The following ZNF382 variants were observed in gnomAD, a reference collection of about 807,000 sequenced individuals.
ZNF382 encodes KRAB/zinc finger suppressor protein 1.
Under a neutral mutation model 38.8 loss-of-function variants are expected in ZNF382, and 20 were observed. That is an observed-to-expected ratio of 0.51 (90% CI 0.36 to 0.75). ZNF382 has a LOEUF of 0.75. Ranked by LOEUF, ZNF382 falls within the 30% of genes least tolerant of loss-of-function variation. The probability of loss-of-function intolerance (pLI) is 0.00; values close to 1 mark genes in which losing one functional copy is unlikely to be tolerated. For missense variants in ZNF382, 546 were observed against 654.1 expected (o/e 0.83, Z 1.80); for synonymous variants, 202 against 223.1 (o/e 0.91, Z 0.84).
rs1367004652 is a variant in ZNF382, at chr19:36,627,894, C to G, written c.*344C>G. ...AACTAGTTGGCCAACTGACTGTGGT[C>G]CATGGACTACACAGTGAGTAGAGGT... is the stretch of plus-strand genomic sequence containing the variant. On this transcript the variant is annotated 3_prime_UTR_variant, in exon 5 of 5. Transcript: ENST00000292928. 4.5e-6 allele frequency: 1 copy of G among 220,898 alleles called. No homozygotes were observed. Among genetic ancestry groups the G allele is most frequent in the African/African-American group, 2.3e-5 (1 of 43,224 alleles). The allele number at this position is 220,898 out of a possible 1,614,324, so 13.7% of individuals were successfully genotyped here.
rs2037269898 is a variant in ZNF382 at position 36,633,884 on chromosome 19, T to G, written c.*6334T>G. On this transcript the variant is annotated 3_prime_UTR_variant, in exon 5 of 5. Transcript: ENST00000292928. ...TGACATGCTGGAAAAGGTGAAAATA[T>G]AACAACAGAAAACAGATCAAATGTT... The G allele has an allele frequency of 6.6e-6, 1 of 152,110 alleles. No individual in the cohort carries two copies. Among genetic ancestry groups the G allele is most frequent in the African/African-American group, 2.4e-5 (1 of 41,432 alleles). 9.4% of individuals were successfully genotyped at this position (152,110 alleles called of 1,614,324 possible).
intron 4 of ZNF382, among the ~76,000 whole-genome samples, chr19:36,616,195 C>T (rs3096630): frequency 0.34 from 50,909 of 151,806 alleles, 8,811 homozygotes; most frequent in South Asian, 0.42. Context: ...GCCTGGGCAA[C>T]ATAGCAAGAC....
chr19:36,621,216 A>C (rs908877569), intron 4 of ZNF382, among the ~76,000 whole-genome samples: 1 of 151,838 alleles, frequency 6.6e-6, no homozygotes, highest in East Asian at 1.9e-4. Context: ...ATATCTTTAC[A>C]TCTTCTTATA....
chr19:36,626,516 G>A lies in ZNF382; in HGVS notation c.619G>A (p.Ala207Thr). Reference sequence around the variant, plus strand: ...GCTTATTCAGCATCAGAAGGTTCAAGCTCCAGAGCAACCATTTGACCATAA... The same window carrying A: ...GCTTATTCAGCATCAGAAGGTTCAAACTCCAGAGCAACCATTTGACCATAA... ...QELIQHQKVQ[A>T]PEQPFDHNEC... Residue 207 changes from alanine to threonine, a missense_variant, in exon 5 of 5, where the codon GCT becomes ACT. Coordinates refer to ENST00000292928, the MANE Select transcript of ZNF382 (RefSeq NM_032825.5). 1 of 1,609,812 alleles carries A rather than the reference G, an allele frequency of 6.2e-7. No individual in the cohort carries two copies. The highest frequency in any genetic ancestry group is 8.5e-7 in the Non-Finnish European group (1 of 1,178,578).
chr19:36,631,392 CTT>C lies in ZNF382; in HGVS notation c.*3854_*3855del, dbSNP rs200197920. The C allele has an allele frequency of 2.1e-5, 3 of 144,508 alleles. No homozygotes were observed. Among genetic ancestry groups the C allele is most frequent in the Non-Finnish European group, 3.1e-5 (2 of 65,396 alleles). The allele number at this position is 144,508 out of a possible 1,614,324, so 9.0% of individuals were successfully genotyped here. A position where few individuals can be genotyped will look rare whatever the true frequency, so the allele number is the denominator to read the frequency against. ...TACAGTAAAAATGTGGTACTATAAT[CTT>C]TTTTTTTTTTTGAGACAGAGTCTCA... On this transcript the variant is annotated 3_prime_UTR_variant, in exon 5 of 5. Transcript: ENST00000292928.
chr19:36,630,976 G>A lies in ZNF382; in HGVS notation c.*3426G>A, dbSNP rs2037250588. On this transcript the variant is annotated 3_prime_UTR_variant, in exon 5 of 5. Coordinates refer to ENST00000292928, the MANE Select transcript of ZNF382 (RefSeq NM_032825.5). Reference sequence around the variant, plus strand: ...ATGTTTTTATTTTTTATACATATGGGGTCTCGTTGTGTTGCCCAGGCTGGT... The same window carrying A: ...ATGTTTTTATTTTTTATACATATGGAGTCTCGTTGTGTTGCCCAGGCTGGT... The A allele has an allele frequency of 6.6e-6, 1 of 151,878 alleles. No individual in the cohort carries two copies. The highest frequency in any genetic ancestry group is 2.1e-4 in the South Asian group (1 of 4,802). The allele number at this position is 151,878 out of a possible 1,614,324, so 9.4% of individuals were successfully genotyped here. A position where few individuals can be genotyped will look rare whatever the true frequency, so the allele number is the denominator to read the frequency against.
In ZNF382 at chr19:36,629,326, C is replaced by A. The variant is rs2037238867; in HGVS notation, c.*1776C>A. ...ATGCTAGGAAGTCTATGTGTAGGCC[C>A]CCTGGTCAACAGCTACAGCTGAGCT... On this transcript the variant is annotated 3_prime_UTR_variant, in exon 5 of 5. Transcript: ENST00000292928. 6.6e-6 allele frequency: 1 copy of A among 151,920 alleles called. No individual in the cohort carries two copies. Among genetic ancestry groups the A allele is most frequent in the African/African-American group, 2.4e-5 (1 of 41,324 alleles). The allele number at this position is 151,920 out of a possible 1,614,324, so 9.4% of individuals were successfully genotyped here.
In ZNF382 at chr19:36,627,277, G is replaced by T. The variant is rs2037222571; in HGVS notation, c.1380G>T (p.Gly460=). The T allele has an allele frequency of 6.2e-7, 1 of 1,613,068 alleles. No individual in the cohort carries two copies. Among genetic ancestry groups the T allele is most frequent in the African/African-American group, 1.3e-5 (1 of 74,550 alleles). ...TLTLHQRIHT[G]EKPYICNECG... ...CTCTCCACCAGAGAATTCACACGGGGGAAAAACCCTATATTTGTAATGAAT... is the reference window on the plus strand; with the variant it reads ...CTCTCCACCAGAGAATTCACACGGGTGAAAAACCCTATATTTGTAATGAAT... The change falls in exon 5 of 5, where the codon GGG becomes GGT. Residue 460 remains glycine, a synonymous_variant. Transcript: ENST00000292928.
intron 4 of ZNF382, among the ~76,000 whole-genome samples, chr19:36,617,984 G>A (rs182042421): frequency 1.3e-5 from 2 of 152,222 alleles, no homozygotes; most frequent in East Asian, 3.9e-4. Flanking sequence ...TGGCCCTTCT[G>A]GAGTCTCGAT....
At chr19:36,610,314 G>C (rs986762279) in intron 3 of ZNF382, among the ~76,000 whole-genome samples, 2 of 152,034 alleles carry the variant, frequency 1.3e-5, no homozygotes, top group African/African-American at 4.8e-5. Flanking sequence ...AAAATTAGCT[G>C]GGTGTGGTGG....
intron 4 of ZNF382, among the ~76,000 whole-genome samples, chr19:36,618,597 C>G (rs2037144052): frequency 6.6e-6 from 1 of 152,166 alleles, no homozygotes; most frequent in Admixed American, 6.5e-5. Context: ...AAATGTAGCT[C>G]TTATGCAGTG....
intron 4 of ZNF382, 75 bp downstream of exon 4, chr19:36,610,817 T>G: frequency 8.7e-7 from 1 of 1,144,128 alleles, no homozygotes; most frequent in Non-Finnish European, 1.3e-6. Context: ...TAGGGATCTA[T>G]TTTTGTTATT....
At chr19:36,607,458 G>T in intron 1 of ZNF382, 94 bp from the exon 2 acceptor site, 2 of 744,272 alleles carry the variant, frequency 2.7e-6, no homozygotes, top group South Asian at 3.4e-5. Context: ...TGCTGAAATA[G>T]TGAACATTCA....
intron 4 of ZNF382, among the ~76,000 whole-genome samples, chr19:36,625,112 A>ATATATATATATG (rs2037201115): frequency 7.6e-6 from 1 of 131,600 alleles, no homozygotes; most frequent in African/African-American, 2.7e-5. Context: ...ATATATATAT[A>ATATATATATATG]TATATATATA....
At chr19:36,610,148 TA>T (rs1452776721) in intron 3 of ZNF382, 95 bp downstream of exon 3, 22 of 1,490,158 alleles carry the variant, frequency 1.5e-5, no homozygotes, top group African/African-American at 4.3e-5. Context: ...TAGAGGTGAT[TA>T]TTTTTTTGGC....
intron 4 of ZNF382, among the ~76,000 whole-genome samples, chr19:36,615,211 C>T (rs2037116567): frequency 1.3e-5 from 2 of 151,986 alleles, no homozygotes; most frequent in Admixed American, 1.3e-4. Context: ...TGGTCTCGAA[C>T]TCCTGACCTC....
rs2037271061 is a variant in ZNF382 at position 36,634,032 on chromosome 19, A to G, written c.*6482A>G. 6.6e-6 allele frequency: 1 copy of G among 152,084 alleles called. No homozygotes were observed. The allele number at this position is 152,084 out of a possible 1,614,324, so 9.4% of individuals were successfully genotyped here. Reference sequence around the variant, plus strand: ...TAGATAAAAAATCTATGCATGTGTAAAAAATAGAAGTATACATACAAAAAA... The same window carrying G: ...TAGATAAAAAATCTATGCATGTGTAGAAAATAGAAGTATACATACAAAAAA... On this transcript the variant is annotated 3_prime_UTR_variant, in exon 5 of 5. Coordinates refer to ENST00000292928, the MANE Select transcript of ZNF382 (RefSeq NM_032825.5).
Position 36,630,218 on chromosome 19 carries a change from C to T in ZNF382, c.*2668C>T, listed in dbSNP as rs1034397005. The stretch of plus-strand genomic sequence containing the variant: ...CCCCCAAAAGAAAGGCAGGATAATG[C>T]GATCTATCCTCAAAAGACCCCGTGC... On this transcript the variant is annotated 3_prime_UTR_variant, in exon 5 of 5. Transcript: ENST00000292928. The T allele has an allele frequency of 3.3e-5, 5 of 152,012 alleles. No homozygotes were observed. The highest frequency in any genetic ancestry group is 1.9e-4 in the East Asian group (1 of 5,188). 9.4% of individuals were successfully genotyped at this position (152,012 alleles called of 1,614,324 possible).
chr19:36,609,686 T>TA (rs1169386137), intron 2 of ZNF382: 4 of 400,886 alleles, frequency 1.0e-5, no homozygotes, highest in Non-Finnish European at 1.3e-5. Flanking sequence ...GTCAGGGTTT[T>TA]ATTCATTTTG....
Sources: gnomAD v4.1 joint callset for allele counts (sites outside exome capture counted in the v4.1 genomes callset) on GRCh38, gnomAD v4.1.1 for gene constraint, MANE v1.5 for transcripts, NCBI Gene and HGNC (gene_info 2026-07-23, HGNC 2026-07-21) for gene names.